RPH3A: variants seen among roughly 807,000 people sequenced by gnomAD.
RPH3A encodes rabphilin 3A, also known as rabphilin-3A.
A neutral mutation model predicts 102.2 loss-of-function variants in RPH3A; 48 were observed. That is an observed-to-expected ratio of 0.47 (90% CI 0.37 to 0.60). The LOEUF (loss-of-function observed/expected upper bound fraction) is 0.60. Among genes scored for constraint, RPH3A ranks in the 20% least tolerant of loss-of-function variants. The pLI, the probability that RPH3A is intolerant of heterozygous loss-of-function variation, is 0.00. For synonymous variants in RPH3A, 310 were observed against 324.3 expected (o/e 0.96, Z 0.47); for missense variants, 781 against 910.1 (o/e 0.86, Z 1.83).
At chr12:112,888,779 A>C (rs2043045435) in intron 17 of RPH3A, among the ~76,000 whole-genome samples, 1 of 152,252 alleles carries the variant, frequency 6.6e-6, no homozygotes, top group African/African-American at 2.4e-5. Flanking sequence ...GGGATTCTAA[A>C]ACCAGAGCTT....
chr12:112,883,174 C>A, intron 15 of RPH3A, 119 bp from the exon 16 acceptor site: 3 of 695,212 alleles, frequency 4.3e-6, no homozygotes, highest in South Asian at 1.7e-5. Flanking sequence ...AATAACTAAG[C>A]CCCTGGACAC....
chr12:112,755,437 G>A (rs1028523560), intron 1 of RPH3A, among the ~76,000 whole-genome samples: 9 of 151,978 alleles, frequency 5.9e-5, no homozygotes, highest in Admixed American at 5.9e-4. Flanking sequence ...TGTTATACAG[G>A]CACACCCTTA....
chr12:112,704,034 G>T (rs2040411566), intron 1 of RPH3A, among the ~76,000 whole-genome samples: 1 of 151,918 alleles, frequency 6.6e-6, no homozygotes, highest in South Asian at 2.1e-4. Flanking sequence ...CATACAGTTT[G>T]CAGTGAGACA....
chr12:112,794,966 A>G (rs898298907), intron 2 of RPH3A, among the ~76,000 whole-genome samples: 6 of 152,204 alleles, frequency 3.9e-5, no homozygotes, highest in Admixed American at 6.5e-5. Flanking sequence ...TCTTGTTGGC[A>G]GGAGAGAGGC....
At chr12:112,580,649 G>A (rs1025761489) in intron 1 of RPH3A, among the ~76,000 whole-genome samples, 1 of 151,812 alleles carries the variant, frequency 6.6e-6, no homozygotes. Context: ...CTCGTGATCC[G>A]CCCGCCTCGG....
At chr12:112,723,071 G>T (rs2136043420) in intron 1 of RPH3A, among the ~76,000 whole-genome samples, 1 of 152,262 alleles carries the variant, frequency 6.6e-6, no homozygotes, top group African/African-American at 2.4e-5. Context: ...TGCCGAAATT[G>T]TTCATCTATC....
chr12:112,744,382 C>T (rs1291274080), intron 1 of RPH3A, among the ~76,000 whole-genome samples: 1 of 152,148 alleles, frequency 6.6e-6, no homozygotes, highest in Non-Finnish European at 1.5e-5. Context: ...GGCCAGGCTT[C>T]AGTTTTCTAT....
chr12:112,870,932 T>C (rs1282347580), intron 10 of RPH3A, among the ~76,000 whole-genome samples: 4 of 152,220 alleles, frequency 2.6e-5, no homozygotes, highest in African/African-American at 9.7e-5. Flanking sequence ...CAAGTTCTTT[T>C]ACATACATTA....
chr12:112,738,509 C>T (rs1470064470), intron 1 of RPH3A, among the ~76,000 whole-genome samples: 1 of 152,124 alleles, frequency 6.6e-6, no homozygotes, highest in Non-Finnish European at 1.5e-5. Context: ...TACTACTTAA[C>T]CCACTAAGGG....
chr12:112,628,110 C>G (rs2039778808), intron 1 of RPH3A, among the ~76,000 whole-genome samples: 1 of 152,066 alleles, frequency 6.6e-6, no homozygotes, highest in South Asian at 2.1e-4. Flanking sequence ...CACCAGGCCC[C>G]CCCTCCAACA....
At chr12:112,818,217 G>A (rs1269065625) in intron 2 of RPH3A, among the ~76,000 whole-genome samples, 1 of 150,926 alleles carries the variant, frequency 6.6e-6, no homozygotes, top group Non-Finnish European at 1.5e-5. Flanking sequence ...GGAGAATGGC[G>A]AGAATCCGGG....
At chr12:112,826,857 T>C (rs554472390) in intron 2 of RPH3A, among the ~76,000 whole-genome samples, 2 of 152,342 alleles carry the variant, frequency 1.3e-5, no homozygotes, top group South Asian at 4.1e-4. Flanking sequence ...ATTTGGATTG[T>C]TCCTGTGTTA....
chr12:112,820,731 C>T (rs575916720), intron 2 of RPH3A, among the ~76,000 whole-genome samples: 1 of 152,298 alleles, frequency 6.6e-6, no homozygotes, highest in African/African-American at 2.4e-5. Context: ...TTGTAAGTGG[C>T]AGAGCAGTGG....
At chr12:112,640,481 T>G (rs1001330586) in intron 1 of RPH3A, among the ~76,000 whole-genome samples, 32 of 151,602 alleles carry the variant, frequency 2.1e-4, no homozygotes, top group African/African-American at 7.5e-4. Flanking sequence ...CATCTTTTCA[T>G]CTCTCCTTTC....
chr12:112,806,823 T>G lies in RPH3A; in HGVS notation c.-19+14560T>G, dbSNP rs1848999384. Among the ~76,000 whole-genome samples, 3 of 152,050 alleles carry G rather than the reference T, an allele frequency of 2.0e-5. 1 individual carries two copies. The South Asian group carries it at 6.2e-4, about 32-fold the overall frequency. On this transcript the variant is annotated intron_variant, in intron 2 of 21. Transcript: ENST00000389385. ...GCAGGTAGAAAATTATTCAAATGGC[T>G]GTATAATGATAAATGAAGGCAAAGA... is the stretch of plus-strand genomic sequence containing the variant.
At chr12:112,671,828 T>A (rs375130555) in intron 1 of RPH3A, among the ~76,000 whole-genome samples, 2 of 151,690 alleles carry the variant, frequency 1.3e-5, no homozygotes, top group African/African-American at 4.9e-5. Context: ...GTCAGCGTTC[T>A]CCAGAAAAAC....
intron 5 of RPH3A, among the ~76,000 whole-genome samples, chr12:112,849,901 C>T (rs1223665482): frequency 6.6e-6 from 1 of 152,212 alleles, no homozygotes; most frequent in Non-Finnish European, 1.5e-5. Context: ...GCCAGGCGTG[C>T]CAAGCCCAGT....
At chr12:112,684,148 T>C (rs2040246082) in intron 1 of RPH3A, among the ~76,000 whole-genome samples, 1 of 152,228 alleles carries the variant, frequency 6.6e-6, no homozygotes, top group African/African-American at 2.4e-5. Context: ...GTGTCAAAGG[T>C]GTACATGTTA....
chr12:112,610,030 C>T (rs924701675), intron 1 of RPH3A, among the ~76,000 whole-genome samples: 2 of 152,104 alleles, frequency 1.3e-5, no homozygotes, highest in South Asian at 2.1e-4. Context: ...GTGATCTGAC[C>T]GTGCCCTGCT....
Sources: gnomAD v4.1 joint callset for allele counts (sites outside exome capture counted in the v4.1 genomes callset) on GRCh38, gnomAD v4.1.1 for gene constraint, MANE v1.5 for transcripts, NCBI Gene and HGNC (gene_info 2026-07-23, HGNC 2026-07-21) for gene names.